Variants in PTPRE observed in about 807,000 individuals in gnomAD.
PTPRE encodes protein tyrosine phosphatase receptor type E.
PTPRE carries 51 observed loss-of-function variants against 102.0 expected under a neutral mutation model. The observed-to-expected ratio is 0.50, with a 90% CI of 0.40 to 0.63. The LOEUF (loss-of-function observed/expected upper bound fraction) is 0.63. Ranked by LOEUF, PTPRE falls within the 30% of genes least tolerant of loss-of-function variation. The pLI is 0.00. For missense variants in PTPRE, 752 were observed against 915.1 expected, an observed-to-expected ratio of 0.82 and a Z score of 2.30; for synonymous variants, 345 against 348.2, an observed-to-expected ratio of 0.99 and a Z score of 0.10.
chr10:127,908,365 T>C (rs1845636161), intron 1 of PTPRE, among the ~76,000 whole-genome samples: 1 of 151,872 alleles, frequency 6.6e-6, no homozygotes, highest in Non-Finnish European at 1.5e-5. Context: ...CTGGAGGTCT[T>C]TGTGTCCCAA....
In PTPRE at chr10:127,971,622, C is replaced by T. The variant is rs116878279; in HGVS notation, c.-30-10652C>T. ...AGGAAGGTCAGATGTGTGCCCATCC[C>T]GGCCTGCAGCGAGTGCTTGCCCCTC... On this transcript the variant is annotated intron_variant, in intron 1 of 20. Transcript: ENST00000254667. 3.0e-4 allele frequency among the ~76,000 whole-genome samples: 45 copies of T among 152,356 alleles called. 1 individual carries two copies. In the East Asian group the frequency reaches 8.1e-3, roughly 27 times the overall value.
chr10:127,915,477 C>A (rs1351023787), intron 1 of PTPRE, among the ~76,000 whole-genome samples: 1 of 152,236 alleles, frequency 6.6e-6, no homozygotes, highest in African/African-American at 2.4e-5. Flanking sequence ...TCGTTCAGTG[C>A]TTCAGTAATT....
chr10:127,951,415 C>G (rs1245658233), intron 1 of PTPRE, among the ~76,000 whole-genome samples: 2 of 152,168 alleles, frequency 1.3e-5, no homozygotes, highest in African/African-American at 2.4e-5. Context: ...AATAAACAGA[C>G]AATTTGGGAA....
chr10:127,987,410 A>G (rs1564852317), intron 2 of PTPRE: 1 of 1,192,522 alleles, frequency 8.4e-7, no homozygotes, highest in Non-Finnish European at 1.1e-6. Context: ...CGGGGAGCTC[A>G]GAGGGGTCTT....
chr10:128,032,101 C>T (rs967433621), intron 2 of PTPRE, among the ~76,000 whole-genome samples: 1 of 152,102 alleles, frequency 6.6e-6, no homozygotes, highest in Admixed American at 6.5e-5. Context: ...CTGCAACCTC[C>T]GCCTCCTGGG....
At chr10:127,960,112 C>A (rs1849685601) in intron 1 of PTPRE, among the ~76,000 whole-genome samples, 1 of 152,178 alleles carries the variant, frequency 6.6e-6, no homozygotes, top group Non-Finnish European at 1.5e-5. Context: ...AGAAAGGAGA[C>A]CAATCCCTCC....
chr10:128,080,145 A>G (rs1441495862), intron 20 of PTPRE, among the ~76,000 whole-genome samples: 1 of 152,172 alleles, frequency 6.6e-6, no homozygotes, highest in African/African-American at 2.4e-5. Flanking sequence ...GCCTCAAGAT[A>G]CCGTCCACGG....
rs1273244305 is a variant in PTPRE, at chr10:128,077,394, G to A, written c.1726-223G>A. ...GGGATCCAGGGGATGTCCTCTGGAC[G>A]GCTCGCTCCCCCTTGCAGAAGGAAG... On this transcript the variant is annotated intron_variant, in intron 18 of 20. Coordinates refer to ENST00000254667, the MANE Select transcript of PTPRE (RefSeq NM_006504.6). Among the ~76,000 whole-genome samples, 9 of 152,188 alleles carry A rather than the reference G, an allele frequency of 5.9e-5. No individual in the cohort carries two copies. In the East Asian group the frequency reaches 9.6e-4, roughly 16 times the overall value.
intron 2 of PTPRE, among the ~76,000 whole-genome samples, chr10:127,994,092 C>A (rs1293519285): frequency 6.6e-6 from 1 of 152,212 alleles, no homozygotes; most frequent in Non-Finnish European, 1.5e-5. Context: ...ATGAAGGTAG[C>A]AGTTACAGAG....
At chr10:128,063,204 G>C (rs117560118) in intron 10 of PTPRE, 24 bp downstream of exon 10, 1 of 1,612,680 alleles carries the variant, frequency 6.2e-7, no homozygotes, top group South Asian at 1.1e-5. Flanking sequence ...ATCTGGCCCC[G>C]GTATCACTTC....
intron 2 of PTPRE, among the ~76,000 whole-genome samples, chr10:128,002,143 C>T (rs556732473): frequency 1.4e-4 from 21 of 152,284 alleles, no homozygotes; most frequent in Non-Finnish European, 4.4e-5. Context: ...TCTCAGCCGT[C>T]GCCCCCGCTG....
At chr10:127,965,129 T>G (rs1850147822) in intron 1 of PTPRE, 2 of 371,708 alleles carry the variant, frequency 5.4e-6, no homozygotes, top group South Asian at 4.2e-5. Context: ...TTGGCTTTTT[T>G]ACTTCTTAAG....
intron 17 of PTPRE, among the ~76,000 whole-genome samples, chr10:128,075,339 TAGGTATAC>T (rs1851134035): frequency 6.6e-6 from 1 of 152,234 alleles, no homozygotes; most frequent in Non-Finnish European, 1.5e-5. Flanking sequence ...TTTTGTTACA[TAGGTATAC>T]ATGTGCATGG....
intron 1 of PTPRE, among the ~76,000 whole-genome samples, chr10:127,918,734 G>A (rs1471921559): frequency 6.6e-6 from 1 of 152,212 alleles, no homozygotes; most frequent in East Asian, 1.9e-4. Context: ...CACTTTGGCA[G>A]AGTCGGAGGA....
intron 1 of PTPRE, among the ~76,000 whole-genome samples, chr10:127,911,672 C>T (rs1054309096): frequency 3.3e-5 from 5 of 152,158 alleles, no homozygotes; most frequent in Admixed American, 6.5e-5. Context: ...CTGCTGACTC[C>T]GTACAAGGCT....
At chr10:128,060,340 TGCTTGTGCAACAG>T (rs1271206426) in intron 7 of PTPRE, among the ~76,000 whole-genome samples, 2 of 152,104 alleles carry the variant, frequency 1.3e-5, no homozygotes, top group Non-Finnish European at 1.5e-5. Context: ...CCCGGAAAAC[TGCTTGTGCAACAG>T]GCTGGATCTA....
Position 128,077,682 on chromosome 10 carries a change from G to A in PTPRE, c.1791G>A (p.Glu597=). The change falls in exon 19 of 21, where the codon GAG becomes GAA. Residue 597 remains glutamate, a synonymous_variant. Transcript: ENST00000254667. ...VRQFHFHGWP[E]IGIPAEGKGM... is the part of the protein sequence containing the mutation. Reference sequence around the variant, plus strand: ...AGTTTCACTTCCACGGCTGGCCTGAGATCGGGATTCCCGCCGAGGGCAAAG... The same window carrying A: ...AGTTTCACTTCCACGGCTGGCCTGAAATCGGGATTCCCGCCGAGGGCAAAG... 1 of 1,613,876 alleles carries A rather than the reference G, an allele frequency of 6.2e-7. No individual in the cohort carries two copies. Among genetic ancestry groups the A allele is most frequent in the Non-Finnish European group, 8.5e-7 (1 of 1,179,804 alleles).
chr10:128,054,798 C>T (rs1364320790), intron 6 of PTPRE, among the ~76,000 whole-genome samples: 3 of 152,102 alleles, frequency 2.0e-5, no homozygotes, highest in African/African-American at 7.2e-5. Flanking sequence ...CTGTGCTCTG[C>T]ATTGTGAGCA....
chr10:127,983,375 C>T (rs1851799657), intron 2 of PTPRE, among the ~76,000 whole-genome samples: 1 of 152,088 alleles, frequency 6.6e-6, no homozygotes, highest in African/African-American at 2.4e-5. Context: ...CATTATAAGA[C>T]GTTGTTGATT....
Sources: gnomAD v4.1 joint callset for allele counts (sites outside exome capture counted in the v4.1 genomes callset) on GRCh38, gnomAD v4.1.1 for gene constraint, MANE v1.5 for transcripts, NCBI Gene and HGNC (gene_info 2026-07-23, HGNC 2026-07-21) for gene names.